Variants in DNAAF11 observed in about 807,000 individuals in gnomAD.
The protein encoded by DNAAF11 is leucine rich repeat containing 6.
DNAAF11 carries 45 observed loss-of-function variants against 60.8 expected under a neutral mutation model. The observed-to-expected ratio is 0.74, with a 90% CI of 0.58 to 0.95. The LOEUF is 0.95. DNAAF11 is among the 40% of genes least tolerant of loss of function. The probability of loss-of-function intolerance (pLI) is 0.00; values close to 1 mark genes in which losing one functional copy is unlikely to be tolerated. For missense variants in DNAAF11, 546 were observed against 546.2 expected, an observed-to-expected ratio of 1.00 and a Z score of 0.00; for synonymous variants, 191 against 183.5, an observed-to-expected ratio of 1.04 and a Z score of -0.33.
the DNAAF11 span, among the ~76,000 whole-genome samples, chr8:132,698,859 T>A: frequency 0.14 from 21,400 of 151,472 alleles, 4,357 homozygotes; most frequent in African/African-American, 0.45. Context: ...GGCGGGCTGA[T>A]CACCTGAAGT....
intron 4 of DNAAF11, among the ~76,000 whole-genome samples, chr8:132,637,672 T>C (rs1207807169): frequency 6.6e-6 from 1 of 152,220 alleles, no homozygotes; most frequent in Non-Finnish European, 1.5e-5. Flanking sequence ...TAACTATGAT[T>C]TGAACTCATT....
chr8:132,590,794 C>G (rs1373509681), intron 10 of DNAAF11, among the ~76,000 whole-genome samples: 1 of 152,168 alleles, frequency 6.6e-6, no homozygotes, highest in African/African-American at 2.4e-5. Flanking sequence ...ACTTATACAA[C>G]CCACATTTAC....
At chr8:132,659,100 C>T (rs1823873974) in intron 2 of DNAAF11, among the ~76,000 whole-genome samples, 1 of 152,200 alleles carries the variant, frequency 6.6e-6, no homozygotes. Context: ...TTCCAGGAGC[C>T]CACAGGTTCT....
chr8:132,676,154 G>A (rs56406018), upstream of DNAAF11, among the ~76,000 whole-genome samples: 7,736 of 152,110 alleles, frequency 0.051, 259 homozygotes, highest in South Asian at 0.08. Context: ...TTCCAGAAAC[G>A]CCACCCATTA....
intron 6 of DNAAF11, among the ~76,000 whole-genome samples, 156 bp downstream of exon 6, chr8:132,625,116 C>T (rs970229775): frequency 1.3e-5 from 2 of 152,014 alleles, no homozygotes; most frequent in South Asian, 2.1e-4. Flanking sequence ...TGAATGTTAG[C>T]CAATACAATT....
rs1814255831 is a variant in DNAAF11 at position 132,572,176 on chromosome 8, G to A, written c.*130C>T. 4 of 714,430 alleles carry A rather than the reference G, an allele frequency of 5.6e-6. No individual in the cohort carries two copies. In the East Asian group the frequency reaches 7.8e-5, roughly 14 times the overall value. 44.3% of individuals were successfully genotyped at this position (714,430 alleles called of 1,614,324 possible). A position where few individuals can be genotyped will look rare whatever the true frequency, so the allele number is the denominator to read the frequency against. ...AAGGATATTACTATGCAAAGTAAGAGTTAAAACACTGGAGCAGCGATATTG... is the reference window on the plus strand; with the variant it reads ...AAGGATATTACTATGCAAAGTAAGAATTAAAACACTGGAGCAGCGATATTG... On this transcript the variant is annotated 3_prime_UTR_variant, in exon 12 of 12. Coordinates refer to ENST00000620350, the MANE Select transcript of DNAAF11 (RefSeq NM_012472.6).
intron 10 of DNAAF11, among the ~76,000 whole-genome samples, chr8:132,588,783 A>G (rs1228465079): frequency 2.0e-5 from 3 of 152,150 alleles, no homozygotes; most frequent in African/African-American, 7.2e-5. Flanking sequence ...TGTAGGAAAC[A>G]TGGTGGCATC....
intron 3 of DNAAF11, among the ~76,000 whole-genome samples, chr8:132,654,238 C>T (rs930537528): frequency 1.3e-5 from 2 of 151,828 alleles, no homozygotes; most frequent in Non-Finnish European, 2.9e-5. Context: ...ATATTATAAA[C>T]ATATATGCAC....
rs772635578 is a variant in DNAAF11 at position 132,656,885 on chromosome 8, T to C, written c.201A>G (p.Lys67=). Residue 67 remains lysine, a synonymous_variant, in exon 3 of 12, where the codon AAA becomes AAG. Coordinates refer to ENST00000620350, the MANE Select transcript of DNAAF11 (RefSeq NM_012472.6). ...TTAAAGCTAAATTCAAATATTCAAG[T>C]TTCTTGAGTTTGCTAACATTTTCTG... is the stretch of plus-strand genomic sequence containing the variant. ...GKIENVSKLK[K]LEYLNLALNN... 1 of 1,382,630 alleles carries C rather than the reference T, an allele frequency of 7.2e-7. No homozygotes were observed. The highest frequency in any genetic ancestry group is 1.0e-6 in the Non-Finnish European group (1 of 989,096). The allele number at this position is 1,382,630 out of a possible 1,614,324, so 85.6% of individuals were successfully genotyped here. A position where few individuals can be genotyped will look rare whatever the true frequency, so the allele number is the denominator to read the frequency against.
intron 7 of DNAAF11, among the ~76,000 whole-genome samples, chr8:132,619,940 T>C (rs1819588088): frequency 6.6e-6 from 1 of 152,072 alleles, no homozygotes; most frequent in Non-Finnish European, 1.5e-5. Context: ...CCAGATACAC[T>C]GGTAAATTGG....
intron 7 of DNAAF11, among the ~76,000 whole-genome samples, chr8:132,619,687 GA>G (rs1444444049): frequency 6.6e-6 from 1 of 152,216 alleles, no homozygotes; most frequent in Non-Finnish European, 1.5e-5. Context: ...CGGCTGGAAG[GA>G]AAACCAGGGG....
chr8:132,632,666 A>C, intron 5 of DNAAF11, 74 bp downstream of exon 5: 4 of 1,047,348 alleles, frequency 3.8e-6, no homozygotes, highest in Non-Finnish European at 5.9e-6. Context: ...TGTACTGCAA[A>C]CAACTTGGAA....
upstream of DNAAF11, among the ~76,000 whole-genome samples, chr8:132,679,172 T>C (rs180844262): frequency 6.6e-6 from 1 of 152,378 alleles, no homozygotes; most frequent in African/African-American, 2.4e-5. Flanking sequence ...ACCTTAATTC[T>C]ATACTGCATC....
chr8:132,638,671 G>A (rs769596766), intron 3 of DNAAF11, among the ~76,000 whole-genome samples: 14 of 152,048 alleles, frequency 9.2e-5, no homozygotes, highest in East Asian at 3.8e-4. Context: ...CTGAACTGAA[G>A]GTATTAACAA....
At chr8:132,583,641 G>A in intron 11 of DNAAF11, 53 bp downstream of exon 11, 1 of 1,390,102 alleles carries the variant, frequency 7.2e-7, no homozygotes, top group Non-Finnish European at 1.0e-6. Context: ...ACCAACAAAT[G>A]ACAATGAAGA....
chr8:132,584,083 T>C (rs142002003), intron 10 of DNAAF11, among the ~76,000 whole-genome samples: 3 of 152,186 alleles, frequency 2.0e-5, no homozygotes, highest in South Asian at 4.1e-4. Flanking sequence ...CCAGATACTT[T>C]TGTGGGGTGT....
chr8:132,572,292 C>T lies in DNAAF11; in HGVS notation c.*14G>A, dbSNP rs375398350. The T allele has an allele frequency of 1.7e-5, 28 of 1,608,824 alleles. No homozygotes were observed. Among genetic ancestry groups the T allele is most frequent in the African/African-American group, 1.6e-4 (12 of 74,578 alleles). ...CCTGGTGGGTCTCAGCCAATGGCAA[C>T]GCAGCCAGATGTTTCAAATCAGCGG... On this transcript the variant is annotated 3_prime_UTR_variant, in exon 12 of 12. Transcript: ENST00000620350.
chr8:132,679,409 A>G (rs1416080043), upstream of DNAAF11, among the ~76,000 whole-genome samples: 1 of 152,202 alleles, frequency 6.6e-6, no homozygotes, highest in African/African-American at 2.4e-5. Flanking sequence ...AGGATCACCA[A>G]CCACAGAGGT....
intron 11 of DNAAF11, among the ~76,000 whole-genome samples, chr8:132,578,938 C>T (rs1291660995): frequency 6.6e-6 from 1 of 152,184 alleles, no homozygotes; most frequent in Non-Finnish European, 1.5e-5. Flanking sequence ...GACACCCTCT[C>T]CATAATAAGG....
Sources: gnomAD v4.1 joint callset for allele counts (sites outside exome capture counted in the v4.1 genomes callset) on GRCh38, gnomAD v4.1.1 for gene constraint, MANE v1.5 for transcripts, NCBI Gene and HGNC (gene_info 2026-07-23, HGNC 2026-07-21) for gene names.